Variants in CFI observed in about 807,000 individuals in gnomAD.
CFI encodes complement factor I.
CFI carries 66 observed loss-of-function variants against 78.8 expected under a neutral mutation model. That is an observed-to-expected ratio of 0.84 (90% CI 0.69 to 1.03). CFI has a LOEUF of 1.03. Among genes scored for constraint, CFI ranks in the 50% least tolerant of loss-of-function variants. The pLI is 0.00. For missense variants in CFI, 706 were observed against 704.5 expected, an observed-to-expected ratio of 1.00 and a Z score of -0.02; for synonymous variants, 250 against 232.6, an observed-to-expected ratio of 1.07 and a Z score of -0.68.
At chr4:109,742,331 G>A (rs1292036186) in intron 12 of CFI, 160 bp downstream of exon 12, 15 of 655,980 alleles carry the variant, frequency 2.3e-5, no homozygotes, top group Non-Finnish European at 4.1e-5. Flanking sequence ...AGAAACCTGA[G>A]CTACAGGGAA....
intron 1 of CFI, among the ~76,000 whole-genome samples, chr4:109,789,204 G>A (rs1251823282): frequency 6.6e-6 from 1 of 151,762 alleles, no homozygotes; most frequent in African/African-American, 2.4e-5. Flanking sequence ...GAACTGTGGG[G>A]CAACTTCAAG....
intron 3 of CFI, 105 bp downstream of exon 3, chr4:109,764,432 T>G: frequency 7.8e-7 from 1 of 1,278,002 alleles, no homozygotes; most frequent in Non-Finnish European, 1.1e-6. Context: ...GTTAATTTTC[T>G]TAGGTTACAC....
intron 4 of CFI, 116 bp from the exon 5 acceptor site, chr4:109,760,752 A>G: frequency 1.4e-6 from 1 of 716,010 alleles, no homozygotes; most frequent in South Asian, 1.5e-5. Context: ...AAAAAAATGT[A>G]TAAAACGTAT....
chr4:109,775,840 T>A (rs1177480413), intron 1 of CFI, among the ~76,000 whole-genome samples: 1 of 152,164 alleles, frequency 6.6e-6, no homozygotes, highest in East Asian at 1.9e-4. Flanking sequence ...TATTTGCTGG[T>A]CTGTAGCCTC....
intron 1 of CFI, among the ~76,000 whole-genome samples, chr4:109,770,100 A>G (rs1728375128): frequency 6.6e-6 from 1 of 152,186 alleles, no homozygotes; most frequent in African/African-American, 2.4e-5. Flanking sequence ...AATTACGGGA[A>G]GCCATTTTTT....
chr4:109,746,600 T>G (rs1724491709), intron 10 of CFI, 98 bp from the exon 11 acceptor site: 2 of 1,042,622 alleles, frequency 1.9e-6, no homozygotes, highest in Admixed American at 2.8e-5. Flanking sequence ...TAAAAACCTT[T>G]TTCATTTCCC....
At chr4:109,795,218 G>A (rs923505601) in intron 1 of CFI, among the ~76,000 whole-genome samples, 6 of 152,092 alleles carry the variant, frequency 3.9e-5, no homozygotes, top group East Asian at 1.9e-4. Context: ...ACACAGTGAC[G>A]GTGGCACCAG....
Position 109,801,980 on chromosome 4 carries a change from T to C in CFI, c.-9A>G. 6.2e-7 allele frequency: 1 copy of C among 1,610,168 alleles called. No homozygotes were observed. Among genetic ancestry groups the C allele is most frequent in the South Asian group, 1.1e-5 (1 of 90,892 alleles). Reference sequence around the variant, plus strand: ...ACATGAAGAAGCTTCATGTTGGAGGTGTTCGGGGTCTTTGTCTCTGCTGAG... The same window carrying C: ...ACATGAAGAAGCTTCATGTTGGAGGCGTTCGGGGTCTTTGTCTCTGCTGAG... On this transcript the variant is annotated 5_prime_UTR_variant, in exon 1 of 13. Coordinates refer to ENST00000394634, the MANE Select transcript of CFI (RefSeq NM_000204.5).
At chr4:109,781,625 T>C (rs982381637) in intron 1 of CFI, among the ~76,000 whole-genome samples, 10 of 152,088 alleles carry the variant, frequency 6.6e-5, no homozygotes, top group Admixed American at 3.9e-4. Context: ...TTCCACAAGA[T>C]AGAGAAAGAA....
intron 11 of CFI, among the ~76,000 whole-genome samples, chr4:109,742,845 G>A (rs929821453): frequency 6.6e-6 from 1 of 152,184 alleles, no homozygotes; most frequent in Non-Finnish European, 1.5e-5. Flanking sequence ...GGTACCTTAA[G>A]TTGAATGAGA....
chr4:109,765,187 A>G (rs1466317014), intron 2 of CFI, among the ~76,000 whole-genome samples: 4 of 152,222 alleles, frequency 2.6e-5, no homozygotes, highest in African/African-American at 9.7e-5. Flanking sequence ...TCCAACAGGG[A>G]TGATAGATGA....
intron 1 of CFI, among the ~76,000 whole-genome samples, chr4:109,789,824 C>T (rs371418244): frequency 1.3e-5 from 2 of 151,990 alleles, no homozygotes; most frequent in East Asian, 3.9e-4. Context: ...AATTTATTGG[C>T]CTCGCGGAAT....
chr4:109,774,730 A>T (rs1560553357), intron 1 of CFI, among the ~76,000 whole-genome samples: 4 of 152,244 alleles, frequency 2.6e-5, no homozygotes, highest in African/African-American at 9.6e-5. Flanking sequence ...ATATGTGGTC[A>T]GTGAAGCAAA....
At position 109,760,315 on chromosome 4, in the gene CFI, C is replaced by T; in HGVS notation, c.838G>A (p.Gly280Ser). ...VCIPSQYQCN[G>S]EVDCITGEDE... ...TCCCCTGTAATGCAGTCCACCTCAC[C>T]ATTGCATTGATACTGGCTTGGAATG... is the stretch of plus-strand genomic sequence containing the variant. Residue 280 changes from glycine to serine, a missense_variant, in exon 6 of 13, where the codon GGT becomes AGT. Physicochemically the swap from Gly to Ser is moderately conservative, Grantham distance 56. Transcript: ENST00000394634. The T allele has an allele frequency of 6.2e-7, 1 of 1,614,150 alleles. No homozygotes were observed. The highest frequency in any genetic ancestry group is 8.5e-7 in the Non-Finnish European group (1 of 1,179,996).
At position 109,752,992 on chromosome 4, in the gene CFI, T is replaced by TTATATATTTATTATATA. The variant is rs1429973537; in HGVS notation, c.905-490_905-489insTATATAATAAATATATA. Among the ~76,000 whole-genome samples, 2 of 96,084 alleles carry TTATATATTTATTATATA rather than the reference T, an allele frequency of 2.1e-5. 1 individual carries two copies. Among genetic ancestry groups the TTATATATTTATTATATA allele is most frequent in the Admixed American group, 3.6e-4 (2 of 5,548 alleles). 63.0% of individuals were successfully genotyped at this position (96,084 alleles called of 152,430 possible). On this transcript the variant is annotated intron_variant, in intron 7 of 12. Coordinates refer to ENST00000394634, the MANE Select transcript of CFI (RefSeq NM_000204.5). ...TATTTATTATATGAATAAATATTTATAATATATATTTATTATATATTTATT... is the reference window on the plus strand; with the variant it reads ...TATTTATTATATGAATAAATATTTATTATATATTTATTATATAAATATATATTTATTATATATTTATT...
intron 1 of CFI, among the ~76,000 whole-genome samples, chr4:109,780,307 T>TA (rs1398138006): frequency 6.6e-6 from 1 of 150,860 alleles, no homozygotes; most frequent in Non-Finnish European, 1.5e-5. Flanking sequence ...CAAGAAAAAA[T>TA]AAAAAAACCC....
At chr4:109,781,114 T>G (rs1729963542) in intron 1 of CFI, among the ~76,000 whole-genome samples, 1 of 152,184 alleles carries the variant, frequency 6.6e-6, no homozygotes, top group African/African-American at 2.4e-5. Flanking sequence ...AACTGCACGT[T>G]GTGCACATGC....
intron 7 of CFI, among the ~76,000 whole-genome samples, chr4:109,755,435 T>C (rs1726003087): frequency 6.6e-6 from 1 of 152,214 alleles, no homozygotes; most frequent in Admixed American, 6.5e-5. Flanking sequence ...AAAGTTCATG[T>C]GTTGGAAACT....
chr4:109,779,558 C>G (rs1218015912), intron 1 of CFI, among the ~76,000 whole-genome samples: 2 of 152,124 alleles, frequency 1.3e-5, no homozygotes, highest in Non-Finnish European at 2.9e-5. Flanking sequence ...GCCATACTAC[C>G]CAAGGTAATT....
Sources: allele counts gnomAD v4.1 joint callset (sites outside exome capture counted in the v4.1 genomes callset), GRCh38; gene constraint gnomAD v4.1.1; transcripts MANE v1.5; gene names NCBI Gene and HGNC (gene_info 2026-07-23, HGNC 2026-07-21).